Variants in RALGPS2 observed in about 807,000 individuals in gnomAD.
The protein encoded by RALGPS2 is Ral GEF with PH domain and SH3 binding motif 2, also known as ras-specific guanine nucleotide-releasing factor RalGPS2.
RALGPS2 carries 43 observed loss-of-function variants against 86.8 expected under a neutral mutation model. That is an observed-to-expected ratio of 0.50 (90% CI 0.39 to 0.64). The LOEUF (loss-of-function observed/expected upper bound fraction) is 0.64, where lower values mean the gene tolerates loss of function less well. RALGPS2 is among the 30% of genes least tolerant of loss of function. The probability of loss-of-function intolerance (pLI) is 0.00; values close to 1 mark genes in which losing one functional copy is unlikely to be tolerated. For synonymous variants in RALGPS2, 243 were observed against 231.3 expected, an observed-to-expected ratio of 1.05 and a Z score of -0.46; for missense variants, 536 against 694.6, an observed-to-expected ratio of 0.77 and a Z score of 2.57.
intron 2 of RALGPS2, among the ~76,000 whole-genome samples, chr1:178,781,173 A>C (rs914297227): frequency 6.6e-6 from 1 of 152,148 alleles, no homozygotes; most frequent in African/African-American, 2.4e-5. Context: ...TAATTACATC[A>C]GGCTTCAGAG....
At chr1:178,904,755 C>T (rs9988461) in intron 18 of RALGPS2, among the ~76,000 whole-genome samples, 2,805 of 152,062 alleles carry the variant, frequency 0.018, 78 homozygotes, top group African/African-American at 0.064. Context: ...TGTGGCCTTA[C>T]GGTATAGTTT....
At chr1:178,737,026 CTT>C (rs1650749913) in intron 1 of RALGPS2, among the ~76,000 whole-genome samples, 1 of 152,170 alleles carries the variant, frequency 6.6e-6, no homozygotes, top group Admixed American at 6.5e-5. Context: ...AATATTAACT[CTT>C]TGTCTCTTGT....
chr1:178,768,480 GTTT>G (rs1262906802), intron 1 of RALGPS2, among the ~76,000 whole-genome samples: 1 of 152,196 alleles, frequency 6.6e-6, no homozygotes, highest in Non-Finnish European at 1.5e-5. Context: ...CTGTTGGCAG[GTTT>G]TTAATTGGGA....
rs536567711 is a variant in RALGPS2 at position 178,833,311 on chromosome 1, A to G, written c.481-113A>G. On this transcript the variant is annotated intron_variant, in intron 7 of 19. Transcript: ENST00000367635. ...TACTACCAAGATATAATTAAAGAAG[A>G]TATAACTTTGAAATTAAAATCCATA... The G allele has an allele frequency of 2.4e-4, 240 of 1,002,868 alleles. 2 individuals carry two copies. The highest frequency in any genetic ancestry group is 5.2e-4 in the South Asian group (18 of 34,932). 62.1% of individuals were successfully genotyped at this position (1,002,868 alleles called of 1,614,324 possible). A position where few individuals can be genotyped will look rare whatever the true frequency, so the allele number is the denominator to read the frequency against.
intron 4 of RALGPS2, among the ~76,000 whole-genome samples, chr1:178,796,633 GCATCACCCTTAGAA>G (rs1234153214): frequency 6.6e-6 from 1 of 152,030 alleles, no homozygotes; most frequent in African/African-American, 2.4e-5. Context: ...TATCCCTACA[GCATCACCCTTAGAA>G]CATTCCTTTT....
chr1:178,792,218 T>A (rs1653989333), intron 4 of RALGPS2, among the ~76,000 whole-genome samples: 1 of 152,184 alleles, frequency 6.6e-6, no homozygotes, highest in Non-Finnish European at 1.5e-5. Flanking sequence ...ACTTCACCAG[T>A]CATTTTAAAA....
chr1:178,858,544 A>T (rs920893224), intron 8 of RALGPS2, among the ~76,000 whole-genome samples: 1 of 152,110 alleles, frequency 6.6e-6, no homozygotes, highest in African/African-American at 2.4e-5. Flanking sequence ...AGTATCAACT[A>T]TTTTTTGCAA....
At chr1:178,899,977 C>T (rs888632295) in intron 17 of RALGPS2, among the ~76,000 whole-genome samples, 5 of 151,928 alleles carry the variant, frequency 3.3e-5, no homozygotes, top group Middle Eastern at 3.4e-3. Context: ...ATGACAATTA[C>T]GTTGTGATTG....
intron 7 of RALGPS2, among the ~76,000 whole-genome samples, chr1:178,827,891 C>T (rs930446894): frequency 2.0e-5 from 3 of 152,146 alleles, no homozygotes; most frequent in African/African-American, 7.2e-5. Context: ...TAAATTGTGT[C>T]AGAAAAACTG....
At chr1:178,747,290 G>A in intron 1 of RALGPS2, 1 of 1,523,358 alleles carries the variant, frequency 6.6e-7, no homozygotes, top group East Asian at 2.3e-5. Context: ...TGGTGATTGA[G>A]GGACTCCAAA....
intron 6 of RALGPS2, among the ~76,000 whole-genome samples, chr1:178,818,990 C>CT (rs58110181): frequency 0.05 from 6,784 of 135,540 alleles, 525 homozygotes; most frequent in African/African-American, 0.17. Context: ...TTTTCTTTTT[C>CT]TTTTTTTTTT....
rs559299007 is a variant in RALGPS2 at position 178,780,939 on chromosome 1, A to T, written c.58-3479A>T. On this transcript the variant is annotated intron_variant, in intron 2 of 19. Transcript: ENST00000367635. ...GCTTTTTTATATTTACAACCATAAG[A>T]TTATGTTTATATATATGTTTGTAAT... is the stretch of plus-strand genomic sequence containing the variant. Among the ~76,000 whole-genome samples, 58 of 151,952 alleles carry T rather than the reference A, an allele frequency of 3.8e-4. No homozygotes were observed. The South Asian group carries it at 6.0e-3, about 16-fold the overall frequency.
At chr1:178,819,038 G>A (rs370523877) in intron 6 of RALGPS2, among the ~76,000 whole-genome samples, 1 of 148,664 alleles carries the variant, frequency 6.7e-6, no homozygotes, top group Non-Finnish European at 1.5e-5. Flanking sequence ...GCCCAGGCTA[G>A]AGTGCAGTGG....
chr1:178,787,001 C>G (rs563275245), intron 4 of RALGPS2, among the ~76,000 whole-genome samples: 1 of 150,842 alleles, frequency 6.6e-6, no homozygotes, highest in Non-Finnish European at 1.5e-5. Flanking sequence ...TAACTTTTCC[C>G]CCATACCTCA....
chr1:178,908,693 G>A (rs903642168), intron 19 of RALGPS2, among the ~76,000 whole-genome samples: 1 of 152,100 alleles, frequency 6.6e-6, no homozygotes, highest in Non-Finnish European at 1.5e-5. Context: ...TCAAATGCTT[G>A]TTGGCCATGT....
chr1:178,851,000 G>T, intron 8 of RALGPS2: 1 of 848,316 alleles, frequency 1.2e-6, no homozygotes, highest in Non-Finnish European at 1.7e-6. Context: ...TTATAGTTAC[G>T]GTAAAATTCA....
intron 16 of RALGPS2, chr1:178,894,390 A>G (rs1189655823): frequency 3.2e-5 from 5 of 155,528 alleles, no homozygotes; most frequent in African/African-American, 9.6e-5. Flanking sequence ...CTTCTTCACA[A>G]TTTCACAGAT....
At chr1:178,765,395 C>T (rs1026729439) in intron 1 of RALGPS2, among the ~76,000 whole-genome samples, 2 of 152,046 alleles carry the variant, frequency 1.3e-5, no homozygotes, top group African/African-American at 4.8e-5. Flanking sequence ...AGCCGCAAAA[C>T]CAGCAAGTTT....
chr1:178,769,051 T>TG (rs1174146348), intron 1 of RALGPS2, among the ~76,000 whole-genome samples: 2 of 140,308 alleles, frequency 1.4e-5, no homozygotes, highest in South Asian at 2.3e-4. Flanking sequence ...GAAGCAGAGA[T>TG]GGGGACCCCT....
Sources: gnomAD v4.1 joint callset for allele counts (sites outside exome capture counted in the v4.1 genomes callset) on GRCh38, gnomAD v4.1.1 for gene constraint, MANE v1.5 for transcripts, NCBI Gene and HGNC (gene_info 2026-07-23, HGNC 2026-07-21) for gene names.